ZHX2: variants seen among roughly 807,000 people sequenced by gnomAD.
ZHX2 encodes the protein zinc fingers and homeoboxes protein 2.
In ZHX2, 6 loss-of-function variants were observed where a neutral mutation model predicts 21.9. The ratio of observed to expected loss-of-function variants is 0.27; its 90% CI spans 0.15 to 0.54. The LOEUF (loss-of-function observed/expected upper bound fraction) is 0.54. Among genes scored for constraint, ZHX2 ranks in the 20% least tolerant of loss-of-function variants. ZHX2 has a pLI of 0.95. For synonymous variants in ZHX2, 434 were observed against 437.1 expected, an observed-to-expected ratio of 0.99 and a Z score of 0.09; for missense variants, 908 against 1,090.7, an observed-to-expected ratio of 0.83 and a Z score of 2.36.
chr8:122,919,750 C>G (rs566167759), intron 2 of ZHX2, among the ~76,000 whole-genome samples: 1 of 152,336 alleles, frequency 6.6e-6, no homozygotes, highest in Non-Finnish European at 1.5e-5. Context: ...TGCCCGAGGT[C>G]ACACAGCTTC....
intron 1 of ZHX2, among the ~76,000 whole-genome samples, chr8:122,834,981 C>T (rs1259041828): frequency 6.6e-6 from 1 of 152,156 alleles, no homozygotes; most frequent in East Asian, 1.9e-4. Flanking sequence ...GTAGGCTGGG[C>T]AGGAGCTTGG....
At chr8:122,910,972 C>T (rs898524334) in intron 2 of ZHX2, among the ~76,000 whole-genome samples, 1 of 152,212 alleles carries the variant, frequency 6.6e-6, no homozygotes, top group African/African-American at 2.4e-5. Flanking sequence ...GTATCGGCTA[C>T]ATGTTCCTGT....
intron 1 of ZHX2, among the ~76,000 whole-genome samples, chr8:122,852,142 G>T (rs1310626141): frequency 6.6e-6 from 1 of 152,102 alleles, no homozygotes; most frequent in Non-Finnish European, 1.5e-5. Context: ...TAGAAATGGG[G>T]CATACAGGTG....
At chr8:122,910,303 A>T (rs1820447194) in intron 2 of ZHX2, among the ~76,000 whole-genome samples, 1 of 152,210 alleles carries the variant, frequency 6.6e-6, no homozygotes, top group Non-Finnish European at 1.5e-5. Context: ...AGATGAGGAC[A>T]CAGGACTTGA....
chr8:122,959,452 G>A (rs950079212), intron 3 of ZHX2, among the ~76,000 whole-genome samples: 4 of 152,162 alleles, frequency 2.6e-5, no homozygotes, highest in Admixed American at 6.5e-5. Flanking sequence ...AAATATTGTT[G>A]TCGACTGTTT....
chr8:122,792,485 C>A (rs1817535486), intron 1 of ZHX2, among the ~76,000 whole-genome samples: 1 of 152,106 alleles, frequency 6.6e-6, no homozygotes, highest in Non-Finnish European at 1.5e-5. Flanking sequence ...CGGGTAGATA[C>A]CCAGGAGTGG....
chr8:122,801,512 C>T (rs898824247), intron 1 of ZHX2, among the ~76,000 whole-genome samples: 6 of 150,826 alleles, frequency 4.0e-5, no homozygotes, highest in African/African-American at 1.2e-4. Context: ...TTTGGGAGGC[C>T]GAGGTGGAGG....
At chr8:122,904,473 C>G (rs2129960206) in intron 2 of ZHX2, among the ~76,000 whole-genome samples, 1 of 152,252 alleles carries the variant, frequency 6.6e-6, no homozygotes, top group East Asian at 1.9e-4. Flanking sequence ...CTTATCCACT[C>G]CCTTAGTGTC....
At chr8:122,834,314 G>A (rs4870818) in intron 1 of ZHX2, among the ~76,000 whole-genome samples, 1 of 152,040 alleles carries the variant, frequency 6.6e-6, no homozygotes, top group South Asian at 2.1e-4. Flanking sequence ...GGCCGGCTCC[G>A]GAAGGGATGG....
Position 122,842,433 on chromosome 8 carries a change from T to C in ZHX2, c.-282-21044T>C, listed in dbSNP as rs1460968451. Among the ~76,000 whole-genome samples the C allele has an allele frequency of 2.6e-5, 4 of 152,240 alleles. No individual in the cohort carries two copies. The East Asian group carries it at 5.8e-4, about 22-fold the overall frequency. On this transcript the variant is annotated intron_variant, in intron 1 of 3. Coordinates refer to ENST00000314393, the MANE Select transcript of ZHX2 (RefSeq NM_014943.5). Reference sequence around the variant, plus strand: ...TAAAAAGCTGACTCCTGGCTGGGCTTGGTGGCTCACGCCTGTAATCCCAGC... The same window carrying C: ...TAAAAAGCTGACTCCTGGCTGGGCTCGGTGGCTCACGCCTGTAATCCCAGC...
chr8:122,854,115 G>A (rs573650739), intron 1 of ZHX2, among the ~76,000 whole-genome samples: 10 of 152,302 alleles, frequency 6.6e-5, no homozygotes, highest in African/African-American at 2.2e-4. Flanking sequence ...AGGCGTGCTA[G>A]GTGGCCCTTG....
At chr8:122,949,030 A>G (rs1418683839) in intron 2 of ZHX2, among the ~76,000 whole-genome samples, 1 of 152,232 alleles carries the variant, frequency 6.6e-6, no homozygotes, top group African/African-American at 2.4e-5. Flanking sequence ...CACAACTAAA[A>G]GGTAAGTGAT....
intron 2 of ZHX2, among the ~76,000 whole-genome samples, chr8:122,907,888 G>T (rs574926079): frequency 1.3e-5 from 2 of 152,102 alleles, no homozygotes; most frequent in Non-Finnish European, 2.9e-5. Flanking sequence ...TACAGTAGGG[G>T]TTTTTTTGTT....
chr8:122,917,258 T>G (rs1820629233), intron 2 of ZHX2, among the ~76,000 whole-genome samples: 1 of 151,950 alleles, frequency 6.6e-6, no homozygotes, highest in Admixed American at 6.6e-5. Flanking sequence ...CAGGTGTTCT[T>G]CACTCTAAAA....
Position 122,833,537 on chromosome 8 carries a change from A to G in ZHX2, c.-282-29940A>G, listed in dbSNP as rs550429810. Among the ~76,000 whole-genome samples the G allele has an allele frequency of 4.6e-5, 7 of 152,236 alleles. No individual in the cohort carries two copies. In the South Asian group the frequency reaches 1.5e-3, roughly 32 times the overall value. On this transcript the variant is annotated intron_variant, in intron 1 of 3. Transcript: ENST00000314393. ...CGGGCGGCGGATAAGGAGAAGTTGC[A>G]TGTTTTAAGGTGGGAGGTTGGAGGA...
Position 122,953,374 on chromosome 8 carries a change from T to G in ZHX2, c.1864T>G (p.Leu622Val). 6.2e-7 allele frequency: 1 copy of G among 1,614,096 alleles called. No homozygotes were observed. Among genetic ancestry groups the G allele is most frequent in the Non-Finnish European group, 8.5e-7 (1 of 1,180,030 alleles). The change falls in exon 3 of 4, where the codon TTA becomes GTA. Residue 622 changes from leucine (L) to valine (V), a missense_variant. Physicochemically the swap from Leu to Val is conservative, Grantham distance 32. Around this residue, in one of 4 missense-constraint regions of ZHX2, gnomAD observed 431 missense variants for 428.6 expected, o/e 1.01. Transcript: ENST00000314393. This position sits in a 1 kb window ranked among gnomAD's most constrained non-coding sequence, Gnocchi z 4.6. Reference protein sequence around the residue: ...SRLDQLSGAQLTSSLPSPSPA... With the variant: ...SRLDQLSGAQVTSSLPSPSPA... Reference sequence around the variant, plus strand: ...ACTCGACCAGCTCTCCGGTGCCCAGTTAACAAGTTCTCTGCCCAGCCCTTC... The same window carrying G: ...ACTCGACCAGCTCTCCGGTGCCCAGGTAACAAGTTCTCTGCCCAGCCCTTC...
intron 2 of ZHX2, among the ~76,000 whole-genome samples, chr8:122,949,730 G>A (rs947390052): frequency 5.3e-5 from 8 of 152,040 alleles, no homozygotes; most frequent in Non-Finnish European, 1.0e-4. Context: ...GATTAGCTGG[G>A]CATGGTGGTG....
At chr8:122,901,071 G>A (rs1820217931) in intron 2 of ZHX2, among the ~76,000 whole-genome samples, 1 of 152,146 alleles carries the variant, frequency 6.6e-6, no homozygotes, top group African/African-American at 2.4e-5. Context: ...GGGTATTGTT[G>A]CTTAGAAATA....
intron 1 of ZHX2, among the ~76,000 whole-genome samples, chr8:122,818,212 G>A (rs990489843): frequency 4.6e-5 from 7 of 151,874 alleles, no homozygotes; most frequent in South Asian, 2.1e-4. Context: ...ATTTACAGTC[G>A]GACTGGGTTT....
Sources: allele counts gnomAD v4.1 joint callset (sites outside exome capture counted in the v4.1 genomes callset), GRCh38; gene constraint gnomAD v4.1.1; regional missense constraint gnomAD v4.1.1; non-coding constraint Gnocchi (gnomAD v3.1); transcripts MANE v1.5; gene names NCBI Gene and HGNC (gene_info 2026-07-23, HGNC 2026-07-21).